Variants in DLX3 observed in about 807,000 individuals in gnomAD.
DLX3 encodes distal-less homeobox 3, also known as homeobox protein DLX-3.
DLX3 carries 9 observed loss-of-function variants against 28.0 expected under a neutral mutation model. The ratio of observed to expected loss-of-function variants is 0.32; its 90% confidence interval spans 0.19 to 0.56. The LOEUF (loss-of-function observed/expected upper bound fraction) is 0.56, where lower values mean the gene tolerates loss of function less well. Among genes scored for constraint, DLX3 ranks in the 20% least tolerant of loss-of-function variants. The pLI, the probability that DLX3 is intolerant of heterozygous loss-of-function variation, is 0.91. For synonymous variants in DLX3, 154 were observed against 167.9 expected (o/e 0.92, Z 0.64); for missense variants, 313 against 378.2 (o/e 0.83, Z 1.43).
chr17:49,991,541 CG>C lies in DLX3; in HGVS notation c.839del (p.Pro280ArgfsTer17). 2 of 1,607,146 alleles carry C rather than the reference CG, an allele frequency of 1.2e-6. No homozygotes were observed. On this transcript the variant is annotated frameshift_variant, in exon 3 of 3. Transcript: ENST00000434704. LOFTEE classifies it high-confidence loss of function. ...CTCAGTACACAGCCCCAGGGTTGGG[CG>C]GGGGCCCGGGAGAGGCATGGTGCAG... ...ATLHHASPGP[P>X]PNPGAVY
chr17:49,992,667 C>G (rs770135483), intron 2 of DLX3, among the ~76,000 whole-genome samples: 1 of 152,230 alleles, frequency 6.6e-6, no homozygotes, highest in Non-Finnish European at 1.5e-5. Context: ...AGATTCCCGG[C>G]GGATGGGGCC....
chr17:49,993,681 C>A, intron 1 of DLX3, 91 bp from the exon 2 acceptor site: 2 of 1,436,974 alleles, frequency 1.4e-6, no homozygotes, highest in Non-Finnish European at 1.9e-6. Flanking sequence ...ACGCCCCTCG[C>A]TTCCGCCCAC....
rs1373808252 is a variant in DLX3 at position 49,990,279 on chromosome 17, T to C, written c.*1238A>G. On this transcript the variant is annotated 3_prime_UTR_variant, in exon 3 of 3. Transcript: ENST00000434704. ...ACCGCAGCAGGGAGGAGGCTGCTTC[T>C]CTCTGTTGCTCTTAAAAAAAAAAAA... 1 of 149,282 alleles carries C rather than the reference T, an allele frequency of 6.7e-6. No individual in the cohort carries two copies. Among genetic ancestry groups the C allele is most frequent in the African/African-American group, 2.5e-5 (1 of 40,652 alleles). The allele number at this position is 149,282 out of a possible 1,614,324, so 9.2% of individuals were successfully genotyped here.
At position 49,992,285 on chromosome 17, in the gene DLX3, T is replaced by A. The variant is rs1906118524; in HGVS notation, c.517-421A>T. On this transcript the variant is annotated intron_variant, in intron 2 of 2. Transcript: ENST00000434704. ...GTTGAGGTGGGAGATGGACGGTTTG[T>A]AGCATTTCATTCACATTAGACACCC... is the stretch of plus-strand genomic sequence containing the variant. 2.6e-5 allele frequency among the ~76,000 whole-genome samples: 4 copies of A among 152,106 alleles called. No individual in the cohort carries two copies. In the South Asian group the frequency reaches 8.3e-4, roughly 31 times the overall value.
chr17:49,994,896 A>G lies in DLX3; in HGVS notation c.103T>C (p.Ser35Pro). ...TAGTAGCCCAGGTCAGTGACAGAAG[A>G]CTCGGGCAGGGTAGGCGAGTCCTTG... is the stretch of plus-strand genomic sequence containing the variant. ...GSKDSPTLPESSVTDLGYYSA... is the reference protein window; with the variant it reads ...GSKDSPTLPEPSVTDLGYYSA... Residue 35 changes from serine to proline, a missense_variant, in exon 1 of 3, where the codon TCT becomes CCT. This residue lies in a region of DLX3 where 183 missense variants were observed against 197.7 expected (regional missense o/e 0.93). Transcript: ENST00000434704. 1 of 1,614,120 alleles carries G rather than the reference A, an allele frequency of 6.2e-7. No homozygotes were observed. Among genetic ancestry groups the G allele is most frequent in the African/African-American group, 1.3e-5 (1 of 75,022 alleles).
At chr17:49,994,543 G>T in intron 1 of DLX3, 131 bp downstream of exon 1, 1 of 1,138,924 alleles carries the variant, frequency 8.8e-7, no homozygotes, top group Non-Finnish European at 1.3e-6. Context: ...GGTCATCTAG[G>T]CCAACTTCTC....
chr17:49,994,282 C>T (rs947307929), intron 1 of DLX3, among the ~76,000 whole-genome samples: 1 of 152,030 alleles, frequency 6.6e-6, no homozygotes, highest in Non-Finnish European at 1.5e-5. Flanking sequence ...CTCCCCATCC[C>T]TTATCCAAAG....
In DLX3 at chr17:49,991,709, C is replaced by G. The variant is rs771510981; in HGVS notation, c.672G>C (p.Pro224=). 4 of 1,613,606 alleles carry G rather than the reference C, an allele frequency of 2.5e-6. No homozygotes were observed. In the South Asian group the frequency reaches 3.3e-5, roughly 13 times the overall value. ...ALWDTSSHST[P]APARSQLPPP... ...GGGGCAGCTGACTGCGGGCAGGGGC[C>G]GGAGTGGAGTGGGAAGAGGTGTCCC... is the stretch of plus-strand genomic sequence containing the variant. The change falls in exon 3 of 3, where the codon CCG becomes CCC. Residue 224 remains proline, a synonymous_variant. Coordinates refer to ENST00000434704, the MANE Select transcript of DLX3 (RefSeq NM_005220.3).
At position 49,990,290 on chromosome 17, in the gene DLX3, C is replaced by T. The variant is rs1480103405; in HGVS notation, c.*1227G>A. 3 of 141,468 alleles carry T rather than the reference C, an allele frequency of 2.1e-5. No individual in the cohort carries two copies. The highest frequency in any genetic ancestry group is 4.5e-5 in the Non-Finnish European group (3 of 65,980). The allele number at this position is 141,468 out of a possible 1,614,324, so 8.8% of individuals were successfully genotyped here. On this transcript the variant is annotated 3_prime_UTR_variant, in exon 3 of 3. Transcript: ENST00000434704. ...GAGGAGGCTGCTTCTCTCTGTTGCTCTTAAAAAAAAAAAACTTACTATATA... is the reference window on the plus strand; with the variant it reads ...GAGGAGGCTGCTTCTCTCTGTTGCTTTTAAAAAAAAAAAACTTACTATATA...
Position 49,990,379 on chromosome 17 carries a change from CA to C in DLX3, c.*1137del, listed in dbSNP as rs1308919904. On this transcript the variant is annotated 3_prime_UTR_variant, in exon 3 of 3. Coordinates refer to ENST00000434704, the MANE Select transcript of DLX3 (RefSeq NM_005220.3). ...TTTTTTTTTCAATGTTTTACTGCAT[CA>C]GGGGTGGGGGAAAGTTAGCTTTGGT... 2 of 143,544 alleles carry C rather than the reference CA, an allele frequency of 1.4e-5. No individual in the cohort carries two copies. Among genetic ancestry groups the C allele is most frequent in the African/African-American group, 2.6e-5 (1 of 38,392 alleles). 8.9% of individuals were successfully genotyped at this position (143,544 alleles called of 1,614,324 possible).
rs781719320 is a variant in DLX3 at position 49,991,625 on chromosome 17, A to T, written c.756T>A (p.Tyr252Ter). Residue 252 changes from tyrosine to a stop codon, truncating the protein, a stop_gained, in exon 3 of 3, where the codon TAT becomes TAA. Transcript: ENST00000434704. LOFTEE classifies it high-confidence loss of function. Reference sequence around the variant, plus strand: ...GGGGTCCACTCAGGTTCTGTGCGTGATACCAGGAGTTGGTGGGGTCGTCCA... The same window carrying T: ...GGGGTCCACTCAGGTTCTGTGCGTGTTACCAGGAGTTGGTGGGGTCGTCCA... ...SYLDDPTNSWYHAQNLSGPHL... is the reference protein window; with the variant it reads ...SYLDDPTNSW 21 of 1,613,692 alleles carry T rather than the reference A, an allele frequency of 1.3e-5. No individual in the cohort carries two copies. Among genetic ancestry groups the T allele is most frequent in the Non-Finnish European group, 1.4e-5 (17 of 1,180,006 alleles).
In DLX3 at chr17:49,991,565, C is replaced by T. The variant is rs1207298022; in HGVS notation, c.816G>A (p.Leu272=). 7.4e-6 allele frequency: 12 copies of T among 1,612,136 alleles called. No homozygotes were observed. Among genetic ancestry groups the T allele is most frequent in the Non-Finnish European group, 1.0e-5 (12 of 1,179,904 alleles). ...LQQQPPQPAT[L]HHASPGPPPN... ...GCGGGGGCCCGGGAGAGGCATGGTG[C>T]AGGGTGGCTGGCTGAGGCGGCTGCT... The change falls in exon 3 of 3, where the codon CTG becomes CTA. Residue 272 remains leucine, a synonymous_variant. Coordinates refer to ENST00000434704, the MANE Select transcript of DLX3 (RefSeq NM_005220.3).
intron 1 of DLX3, among the ~76,000 whole-genome samples, chr17:49,994,439 AT>A (rs1906207774): frequency 6.6e-6 from 1 of 150,824 alleles, no homozygotes; most frequent in Admixed American, 6.6e-5. Flanking sequence ...CTCTCAGCTC[AT>A]CCCGATCCTC....
At position 49,991,407 on chromosome 17, in the gene DLX3, A is replaced by G; in HGVS notation, c.*110T>C. On this transcript the variant is annotated 3_prime_UTR_variant, in exon 3 of 3. Transcript: ENST00000434704. ...TGGAGGAAGGGGCAAGGGAGGGGGA[A>G]AGGGAGTTCCTTTTCCCTGTGCTCC... 1.0e-6 allele frequency: 1 copy of G among 988,834 alleles called. No homozygotes were observed. Among genetic ancestry groups the G allele is most frequent in the Non-Finnish European group, 1.5e-6 (1 of 685,570 alleles). The allele number at this position is 988,834 out of a possible 1,614,324, so 61.3% of individuals were successfully genotyped here.
chr17:49,991,374 T>C lies in DLX3; in HGVS notation c.*143A>G. 1.3e-6 allele frequency: 1 copy of C among 742,660 alleles called. No homozygotes were observed. The highest frequency in any genetic ancestry group is 2.7e-5 in the East Asian group (1 of 36,872). The allele number at this position is 742,660 out of a possible 1,614,324, so 46.0% of individuals were successfully genotyped here. On this transcript the variant is annotated 3_prime_UTR_variant, in exon 3 of 3. Transcript: ENST00000434704. ...CATGCAATTGTCATCTGGAAGCGCTTGGGTCCCTGGAGGAAGGGGCAAGGG... is the reference window on the plus strand; with the variant it reads ...CATGCAATTGTCATCTGGAAGCGCTCGGGTCCCTGGAGGAAGGGGCAAGGG...
Position 49,995,130 on chromosome 17 carries a change from G to A in DLX3, c.-132C>T, listed in dbSNP as rs150591955. 4 of 1,144,984 alleles carry A rather than the reference G, an allele frequency of 3.5e-6. No homozygotes were observed. The allele number at this position is 1,144,984 out of a possible 1,614,324, so 70.9% of individuals were successfully genotyped here. A position where few individuals can be genotyped will look rare whatever the true frequency, so the allele number is the denominator to read the frequency against. On this transcript the variant is annotated 5_prime_UTR_variant, in exon 1 of 3. Coordinates refer to ENST00000434704, the MANE Select transcript of DLX3 (RefSeq NM_005220.3). ...CGAAGGGAGGACCCGGCCGCGTCTG[G>A]GGGGAGGGGGAGGCCGAGAGGCGCT...
intron 2 of DLX3, 26 bp from the exon 3 acceptor site, chr17:49,991,890 T>C (rs1274844490): frequency 3.1e-6 from 5 of 1,605,776 alleles, no homozygotes; most frequent in Non-Finnish European, 4.3e-6. Flanking sequence ...AAGGGGTAGC[T>C]AGTTAGCCTC....
Position 49,994,790 on chromosome 17 carries a change from T to G in DLX3, c.209A>C (p.Asn70Thr), listed in dbSNP as rs1906219776. The change falls in exon 1 of 3, where the codon AAT (asparagine) becomes ACT (threonine). Residue 70 changes from asparagine (N) to threonine (T), a missense_variant. Physicochemically the swap from Asn to Thr is moderately conservative, Grantham distance 65 (BLOSUM62 0). Transcript: ENST00000434704. ...GCCCGTGCCTGCAAGCCCATTGAGATTGAATTGGTGGTGGTAGGTGTAGGG... is the reference window on the plus strand; with the variant it reads ...GCCCGTGCCTGCAAGCCCATTGAGAGTGAATTGGTGGTGGTAGGTGTAGGG... The part of the protein sequence containing the change: ...VNPYTYHHQF[N>T]LNGLAGTGAY... 6.2e-7 allele frequency: 1 copy of G among 1,613,986 alleles called. No individual in the cohort carries two copies.
chr17:49,993,640 C>T lies in DLX3; in HGVS notation c.326-50G>A, dbSNP rs1418428564. On this transcript the variant is annotated intron_variant, in intron 1 of 2. Coordinates refer to ENST00000434704, the MANE Select transcript of DLX3 (RefSeq NM_005220.3). ...GAGGGGGCGGTTCAGCCTCGGCCTG[C>T]GACTCCTGCGACCCTCCAGGGCCCC... 5 of 1,589,442 alleles carry T rather than the reference C, an allele frequency of 3.1e-6. No homozygotes were observed. The Admixed American group carries it at 8.7e-5, about 28-fold the overall frequency.
Sources: gnomAD v4.1 joint callset for allele counts (sites outside exome capture counted in the v4.1 genomes callset) on GRCh38, gnomAD v4.1.1 for gene constraint, gnomAD v4.1.1 regional missense constraint, MANE v1.5 for transcripts, NCBI Gene and HGNC (gene_info 2026-07-23, HGNC 2026-07-21) for gene names.